Variants in STK3 observed in about 807,000 individuals in gnomAD.
The protein encoded by STK3 is serine/threonine-protein kinase 3.
Under a neutral mutation model 58.0 loss-of-function variants are expected in STK3, and 41 were observed. The ratio of observed to expected loss-of-function variants is 0.71; its 90% CI spans 0.55 to 0.92. The LOEUF (loss-of-function observed/expected upper bound fraction) is 0.92. Ranked by LOEUF, STK3 falls within the 40% of genes least tolerant of loss-of-function variation. The probability of loss-of-function intolerance (pLI) is 0.00; values close to 1 mark genes in which losing one functional copy is unlikely to be tolerated. For missense variants in STK3, 479 were observed against 602.7 expected (o/e 0.79, Z 2.15); for synonymous variants, 170 against 191.0 (o/e 0.89, Z 0.91).
chr8:98,581,525 G>A (rs1431453707), intron 7 of STK3, among the ~76,000 whole-genome samples: 1 of 151,810 alleles, frequency 6.6e-6, no homozygotes, highest in Non-Finnish European at 1.5e-5. Context: ...TAGAAGTCTA[G>A]GTTCTCCATT....
At chr8:98,558,203 T>G (rs1224901018) in intron 8 of STK3, among the ~76,000 whole-genome samples, 1 of 152,038 alleles carries the variant, frequency 6.6e-6, no homozygotes, top group African/African-American at 2.4e-5. Flanking sequence ...TTACAAGCAG[T>G]TTATAAAACA....
At chr8:98,713,524 T>C (rs1424569147) in intron 4 of STK3, among the ~76,000 whole-genome samples, 1 of 152,150 alleles carries the variant, frequency 6.6e-6, no homozygotes, top group Non-Finnish European at 1.5e-5. Context: ...CTAGAAAATC[T>C]AGAAGAAATG....
chr8:98,584,558 T>TA (rs1482086062), intron 7 of STK3, among the ~76,000 whole-genome samples: 1 of 151,434 alleles, frequency 6.6e-6, no homozygotes, highest in Non-Finnish European at 1.5e-5. Context: ...GCAATAAACA[T>TA]ACGTGTGCAT....
chr8:98,845,392 C>T (rs1279712813), intron 3 of STK3, among the ~76,000 whole-genome samples: 1 of 152,168 alleles, frequency 6.6e-6, no homozygotes, highest in Admixed American at 6.5e-5. Flanking sequence ...AGAAACTTTT[C>T]AGACAGAACA....
intron 10 of STK3, among the ~76,000 whole-genome samples, chr8:98,474,822 G>A (rs1379276087): frequency 6.6e-6 from 1 of 152,074 alleles, no homozygotes; most frequent in African/African-American, 2.4e-5. Context: ...TCACCGTACT[G>A]CAATCATTTT....
chr8:98,510,900 C>A (rs2131404031), intron 10 of STK3, among the ~76,000 whole-genome samples: 1 of 152,158 alleles, frequency 6.6e-6, no homozygotes, highest in East Asian at 1.9e-4. Flanking sequence ...GCTCCCTTGA[C>A]TGCATTACTT....
intron 6 of STK3, among the ~76,000 whole-genome samples, chr8:98,617,833 C>A (rs1005120696): frequency 2.0e-5 from 3 of 151,982 alleles, no homozygotes; most frequent in Non-Finnish European, 4.4e-5. Flanking sequence ...AGTTTACCAA[C>A]GAAAAAGAGT....
At chr8:98,570,471 G>T (rs1457896144) in intron 8 of STK3, among the ~76,000 whole-genome samples, 1 of 151,972 alleles carries the variant, frequency 6.6e-6, no homozygotes, top group Non-Finnish European at 1.5e-5. Flanking sequence ...TTTAAAACTA[G>T]ATTTAATATC....
chr8:98,738,141 C>G (rs538532174), intron 4 of STK3, among the ~76,000 whole-genome samples: 1 of 152,300 alleles, frequency 6.6e-6, no homozygotes, highest in East Asian at 1.9e-4. Flanking sequence ...ATTCCAATCA[C>G]AAACCCAGCA....
intron 6 of STK3, among the ~76,000 whole-genome samples, chr8:98,628,802 C>T (rs938817976): frequency 8.0e-6 from 1 of 124,562 alleles, no homozygotes; most frequent in African/African-American, 3.4e-5. Context: ...ATCCTGTCTC[C>T]ACTCCCCTCC....
intron 1 of STK3, among the ~76,000 whole-genome samples, chr8:98,380,032 GAAAC>G (rs1817716368): frequency 6.6e-6 from 1 of 152,182 alleles, no homozygotes; most frequent in African/African-American, 2.4e-5. Context: ...CATGCTAAGA[GAAAC>G]AAACAAATCA....
chr8:98,794,649 C>CA (rs1216395053), intron 1 of STK3, among the ~76,000 whole-genome samples: 5 of 152,102 alleles, frequency 3.3e-5, no homozygotes, highest in Non-Finnish European at 7.4e-5. Context: ...AGGAGGAACT[C>CA]ACTGCAACTC....
intron 4 of STK3, chr8:98,722,791 C>T: frequency 2.6e-6 from 1 of 385,690 alleles, no homozygotes; most frequent in Non-Finnish European, 5.0e-6. Flanking sequence ...GGTCCATACC[C>T]AACTATTTCA....
At chr8:98,748,997 C>G (rs1452141341) in intron 4 of STK3, among the ~76,000 whole-genome samples, 1 of 151,848 alleles carries the variant, frequency 6.6e-6, no homozygotes, top group African/African-American at 2.4e-5. Context: ...AACACACACA[C>G]ACGCTGATTC....
At chr8:98,870,009 G>C (rs1387789704) in intron 3 of STK3, among the ~76,000 whole-genome samples, 1 of 151,810 alleles carries the variant, frequency 6.6e-6, no homozygotes, top group Non-Finnish European at 1.5e-5. Flanking sequence ...CCAACCCCAT[G>C]ACAGGCCCTA....
At chr8:98,794,972 G>C (rs1404489808) in intron 1 of STK3, among the ~76,000 whole-genome samples, 1 of 148,636 alleles carries the variant, frequency 6.7e-6, no homozygotes, top group Admixed American at 6.8e-5. Flanking sequence ...GAGGCTTGAG[G>C]CAGGAGAATG....
intron 1 of STK3, among the ~76,000 whole-genome samples, chr8:98,900,455 T>C (rs991641440): frequency 8.4e-4 from 128 of 152,282 alleles, no homozygotes; most frequent in African/African-American, 3.0e-3. Context: ...TGTAGAATTA[T>C]ATGAAATCGC....
chr8:98,620,798 CAAAA>C (rs1198251568), intron 6 of STK3, among the ~76,000 whole-genome samples: 1 of 151,252 alleles, frequency 6.6e-6, no homozygotes, highest in Non-Finnish European at 1.5e-5. Flanking sequence ...TCCAAAATGA[CAAAA>C]AAGACAAAAA....
intron 6 of STK3, among the ~76,000 whole-genome samples, chr8:98,631,491 A>T (rs553305468): frequency 6.6e-6 from 1 of 152,274 alleles, no homozygotes; most frequent in Non-Finnish European, 1.5e-5. Context: ...AGAAATCTGC[A>T]TTGCTCATTT....
Sources: allele counts gnomAD v4.1 joint callset (sites outside exome capture counted in the v4.1 genomes callset), GRCh38; gene constraint gnomAD v4.1.1; transcripts MANE v1.5; gene names NCBI Gene and HGNC (gene_info 2026-07-23, HGNC 2026-07-21).